SETBP1: variants seen among roughly 807,000 people sequenced by gnomAD.
The protein encoded by SETBP1 is SET-binding protein.
SETBP1 carries 9 observed loss-of-function variants against 101.0 expected under a neutral mutation model. The observed-to-expected ratio is 0.09, with a 90% CI of 0.05 to 0.16. The LOEUF (loss-of-function observed/expected upper bound fraction) is 0.16. SETBP1 is among the 10% of genes least tolerant of loss of function. SETBP1 has a pLI of 1.00. For missense variants in SETBP1, 1,858 were observed against 2,033.8 expected, an observed-to-expected ratio of 0.91 and a Z score of 1.66; for synonymous variants, 818 against 788.5, an observed-to-expected ratio of 1.04 and a Z score of -0.63.
chr18:44,743,850 C>G (rs1357842013), intron 2 of SETBP1, among the ~76,000 whole-genome samples: 1 of 152,198 alleles, frequency 6.6e-6, no homozygotes, highest in Non-Finnish European at 1.5e-5. Context: ...AAAGTGCAGG[C>G]AGGATCTCGG....
intron 4 of SETBP1, chr18:44,970,087 A>G (rs770729620): frequency 6.5e-6 from 1 of 154,814 alleles, no homozygotes; most frequent in Non-Finnish European, 1.5e-5. Flanking sequence ...TCCTTTGACC[A>G]TCATAGCCCC....
chr18:44,979,907 T>C (rs2072074066), intron 4 of SETBP1, among the ~76,000 whole-genome samples: 1 of 152,232 alleles, frequency 6.6e-6, no homozygotes, highest in Non-Finnish European at 1.5e-5. Context: ...AGTTCCTTCT[T>C]AATAACTAAG....
intron 4 of SETBP1, among the ~76,000 whole-genome samples, chr18:45,002,952 G>A (rs2072647493): frequency 6.6e-6 from 1 of 152,120 alleles, no homozygotes; most frequent in South Asian, 2.1e-4. Context: ...GGGTGGAGGT[G>A]GGAGCTGAGC....
intron 2 of SETBP1, among the ~76,000 whole-genome samples, chr18:44,860,504 T>C (rs1022308652): frequency 2.2e-4 from 34 of 152,062 alleles, no homozygotes; most frequent in African/African-American, 8.2e-4. Flanking sequence ...CCCAGCACTA[T>C]GGGAGGTCAA....
intron 4 of SETBP1, among the ~76,000 whole-genome samples, chr18:44,973,886 A>G (rs1235931712): frequency 6.6e-6 from 1 of 152,180 alleles, no homozygotes; most frequent in Non-Finnish European, 1.5e-5. Context: ...TTAAGCTGGC[A>G]GAGGGGGGAG....
chr18:44,984,009 C>T (rs543557169), intron 4 of SETBP1, among the ~76,000 whole-genome samples: 19 of 150,430 alleles, frequency 1.3e-4, no homozygotes, highest in Admixed American at 6.6e-4. Flanking sequence ...GAGACCACCC[C>T]GGCTAACATG....
At chr18:44,908,305 C>G (rs577026401) in intron 3 of SETBP1, among the ~76,000 whole-genome samples, 1 of 152,088 alleles carries the variant, frequency 6.6e-6, no homozygotes, top group Non-Finnish European at 1.5e-5. Flanking sequence ...GCCACCTCGG[C>G]CTCCCAAAGT....
At chr18:44,964,267 A>G (rs1337771464) in intron 4 of SETBP1, among the ~76,000 whole-genome samples, 4 of 152,102 alleles carry the variant, frequency 2.6e-5, no homozygotes, top group African/African-American at 4.8e-5. Context: ...TTTGTAAAAC[A>G]TAGTCCTGGG....
Position 44,780,840 on chromosome 18 carries a change from G to A in SETBP1, c.486+79008G>A, listed in dbSNP as rs545757974. Reference sequence around the variant, plus strand: ...GCTGTCACTTGGTATTGGGGGTCATGGAGCTCCCTAAAGATGTGGTGTCCA... The same window carrying A: ...GCTGTCACTTGGTATTGGGGGTCATAGAGCTCCCTAAAGATGTGGTGTCCA... On this transcript the variant is annotated intron_variant, in intron 2 of 5. Transcript: ENST00000649279. Among the ~76,000 whole-genome samples, 57 of 152,328 alleles carry A rather than the reference G, an allele frequency of 3.7e-4. 2 individuals are homozygous for A. In the South Asian group the frequency reaches 0.01, roughly 27 times the overall value.
intron 1 of SETBP1, among the ~76,000 whole-genome samples, chr18:44,700,832 C>T (rs1046551120): frequency 5.9e-5 from 9 of 152,130 alleles, no homozygotes; most frequent in Non-Finnish European, 1.2e-4. Context: ...ACTTCCCTTT[C>T]GTCATGATTG....
At chr18:44,856,325 G>T (rs1000665867) in intron 2 of SETBP1, among the ~76,000 whole-genome samples, 1 of 152,174 alleles carries the variant, frequency 6.6e-6, no homozygotes, top group Non-Finnish European at 1.5e-5. Context: ...TTGGAGGAAG[G>T]CTGGTCTGGA....
At chr18:44,783,594 C>G (rs535617281) in intron 2 of SETBP1, among the ~76,000 whole-genome samples, 1 of 152,278 alleles carries the variant, frequency 6.6e-6, no homozygotes, top group African/African-American at 2.4e-5. Context: ...TAAACAGAGC[C>G]TATGCACAAA....
intron 4 of SETBP1, among the ~76,000 whole-genome samples, chr18:45,033,952 GT>G (rs1009301648): frequency 1.3e-5 from 2 of 152,062 alleles, no homozygotes; most frequent in African/African-American, 2.4e-5. Flanking sequence ...AAAGATTTTT[GT>G]TTGTTTTTCT....
At chr18:44,945,853 G>C (rs570106318) in intron 3 of SETBP1, among the ~76,000 whole-genome samples, 1 of 152,318 alleles carries the variant, frequency 6.6e-6, no homozygotes, top group South Asian at 2.1e-4. Context: ...CAGGGAGCCC[G>C]ATAAGATATC....
intron 2 of SETBP1, among the ~76,000 whole-genome samples, chr18:44,717,982 T>G (rs2069504309): frequency 6.6e-6 from 1 of 152,188 alleles, no homozygotes; most frequent in Non-Finnish European, 1.5e-5. Context: ...TTCATAATAG[T>G]GTGGATTATA....
intron 3 of SETBP1, among the ~76,000 whole-genome samples, chr18:44,881,374 A>G (rs2069526697): frequency 6.6e-6 from 1 of 152,174 alleles, no homozygotes; most frequent in South Asian, 2.1e-4. Context: ...GGTGCTGGCA[A>G]AAAGAAATCT....
intron 4 of SETBP1, among the ~76,000 whole-genome samples, chr18:44,967,475 G>A (rs2071746570): frequency 6.6e-6 from 1 of 152,208 alleles, no homozygotes; most frequent in Non-Finnish European, 1.5e-5. Context: ...AGATTTAGCA[G>A]TTTAAAACAA....
intron 5 of SETBP1, among the ~76,000 whole-genome samples, chr18:45,044,253 A>C (rs1441021025): frequency 6.6e-6 from 1 of 152,240 alleles, no homozygotes; most frequent in African/African-American, 2.4e-5. Context: ...AACACTTAAA[A>C]TATTTAGTAG....
intron 2 of SETBP1, among the ~76,000 whole-genome samples, chr18:44,831,069 T>G (rs1393473821): frequency 6.6e-6 from 1 of 152,226 alleles, no homozygotes; most frequent in African/African-American, 2.4e-5. Context: ...TTTCTGTTTT[T>G]ATTCGCAATC....
Sources: gnomAD v4.1 joint callset for allele counts (sites outside exome capture counted in the v4.1 genomes callset) on GRCh38, gnomAD v4.1.1 for gene constraint, MANE v1.5 for transcripts, NCBI Gene and HGNC (gene_info 2026-07-23, HGNC 2026-07-21) for gene names.